The following SUPT3H variants were observed in gnomAD, a reference collection of about 807,000 sequenced individuals.
SUPT3H encodes the protein transcription initiation protein SPT3 homolog.
In SUPT3H, 44 loss-of-function variants were observed where a neutral mutation model predicts 44.3. That is an observed-to-expected ratio of 0.99 (90% confidence interval 0.78 to 1.28). The LOEUF (loss-of-function observed/expected upper bound fraction) is 1.28, where lower values mean the gene tolerates loss of function less well. Among genes scored for constraint, SUPT3H ranks in the 50% most tolerant of loss-of-function variants. The pLI is 0.00. For missense variants in SUPT3H, 380 were observed against 387.1 expected, an observed-to-expected ratio of 0.98 and a Z score of 0.15; for synonymous variants, 124 against 125.6, an observed-to-expected ratio of 0.99 and a Z score of 0.09.
At chr6:45,076,734 T>C (rs776380402) in intron 3 of SUPT3H, among the ~76,000 whole-genome samples, 5 of 152,256 alleles carry the variant, frequency 3.3e-5, no homozygotes, top group African/African-American at 1.2e-4. Context: ...GCCTACTGAG[T>C]AACACTAATG....
intron 2 of SUPT3H, among the ~76,000 whole-genome samples, chr6:45,110,255 GA>G (rs1287192997): frequency 6.6e-6 from 1 of 152,194 alleles, no homozygotes; most frequent in Non-Finnish European, 1.5e-5. Context: ...CAATCCGCTT[GA>G]CAGGTGCACA....
intron 2 of SUPT3H, among the ~76,000 whole-genome samples, chr6:45,262,121 A>G (rs1057487349): frequency 1.6e-4 from 25 of 152,164 alleles, no homozygotes; most frequent in African/African-American, 5.8e-4. Flanking sequence ...GATAGCAAGA[A>G]TCAATATTGT....
At chr6:45,166,171 T>C (rs1041467800) in intron 2 of SUPT3H, among the ~76,000 whole-genome samples, 4 of 152,154 alleles carry the variant, frequency 2.6e-5, no homozygotes, top group Non-Finnish European at 5.9e-5. Context: ...CACACGCTTG[T>C]GGTCCCAGCT....
chr6:44,870,542 C>G (rs1357768972), intron 10 of SUPT3H, among the ~76,000 whole-genome samples: 1 of 147,022 alleles, frequency 6.8e-6, no homozygotes, highest in Non-Finnish European at 1.5e-5. Context: ...GAGGCTGCAG[C>G]GAGCCGGGAC....
intron 2 of SUPT3H, among the ~76,000 whole-genome samples, chr6:45,285,991 G>A (rs948517279): frequency 7.4e-6 from 1 of 135,666 alleles, no homozygotes; most frequent in Non-Finnish European, 1.6e-5. Context: ...AACAAGAAAT[G>A]GGGAAAGGAT....
chr6:44,829,805 C>T lies in SUPT3H; in HGVS notation c.*11G>A. Reference sequence around the variant, plus strand: ...CTTTCCTGTTGTTGCAGGCACATCACAGTTGTCACATCAGCAGGCTAGAAA... The same window carrying T: ...CTTTCCTGTTGTTGCAGGCACATCATAGTTGTCACATCAGCAGGCTAGAAA... On this transcript the variant is annotated 3_prime_UTR_variant, in exon 11 of 11. Transcript: ENST00000371459. 1 of 1,612,852 alleles carries T rather than the reference C, an allele frequency of 6.2e-7. No individual in the cohort carries two copies. The highest frequency in any genetic ancestry group is 8.5e-7 in the Non-Finnish European group (1 of 1,179,046).
chr6:45,099,101 AC>A, intron 3 of SUPT3H: 1 of 356,662 alleles, frequency 2.8e-6, no homozygotes, highest in African/African-American at 2.2e-5. Context: ...TTGCCCAGCC[AC>A]CAGCCCCTAG....
chr6:45,039,521 A>G (rs1788186159), intron 3 of SUPT3H, among the ~76,000 whole-genome samples: 1 of 152,170 alleles, frequency 6.6e-6, no homozygotes, highest in East Asian at 1.9e-4. Context: ...TGGGCCGGGC[A>G]TGTAATCCAG....
In SUPT3H at chr6:44,828,747, TTC is replaced by T. The variant is rs2153408346; in HGVS notation, c.*1067_*1068del. On this transcript the variant is annotated 3_prime_UTR_variant, in exon 11 of 11. Transcript: ENST00000371459. Reference sequence around the variant, plus strand: ...GAAAAAGATCTTTCATGTTTCTCATTTCTGTTTTTATTAATTCTTTAGAAAGA... The same window carrying T: ...GAAAAAGATCTTTCATGTTTCTCATTTGTTTTTATTAATTCTTTAGAAAGA... 1 of 152,582 alleles carries T rather than the reference TTC, an allele frequency of 6.6e-6. No homozygotes were observed. The highest frequency in any genetic ancestry group is 1.5e-5 in the Non-Finnish European group (1 of 68,008). The allele number at this position is 152,582 out of a possible 1,614,324, so 9.5% of individuals were successfully genotyped here.
downstream of SUPT3H, among the ~76,000 whole-genome samples, chr6:44,821,924 C>T (rs1767351722): frequency 6.6e-6 from 1 of 152,118 alleles, no homozygotes; most frequent in African/African-American, 2.4e-5. Context: ...TCACTGATCC[C>T]TGCATTCTAT....
chr6:45,117,941 T>C (rs894219721), intron 2 of SUPT3H, among the ~76,000 whole-genome samples: 3 of 152,052 alleles, frequency 2.0e-5, no homozygotes, highest in African/African-American at 7.2e-5. Context: ...CAAATAAAAA[T>C]GAAATTTAGT....
intron 10 of SUPT3H, among the ~76,000 whole-genome samples, chr6:44,847,131 C>G (rs187772353): frequency 6.6e-6 from 1 of 152,286 alleles, no homozygotes; most frequent in East Asian, 1.9e-4. Flanking sequence ...AGAACTGGAC[C>G]CTTAGCATCA....
rs148647246 is a variant in SUPT3H at position 44,949,423 on chromosome 6, C to T, written c.801+3887G>A. ...AATTAAAAAAATAAATAAATGCAAG[C>T]GGAATATTGTCAAAAAAAAGAAAAA... On this transcript the variant is annotated intron_variant, in intron 9 of 10. Transcript: ENST00000371459. Among the ~76,000 whole-genome samples, 28 of 149,780 alleles carry T rather than the reference C, an allele frequency of 1.9e-4. No homozygotes were observed. In the East Asian group the frequency reaches 4.5e-3, roughly 24 times the overall value.
chr6:45,274,555 C>A (rs1443461943), intron 2 of SUPT3H, among the ~76,000 whole-genome samples: 5 of 152,138 alleles, frequency 3.3e-5, no homozygotes, highest in Non-Finnish European at 7.4e-5. Flanking sequence ...GCTATTCTTT[C>A]CCTTTTGAAT....
intron 6 of SUPT3H, among the ~76,000 whole-genome samples, chr6:44,995,842 G>A (rs1289794071): frequency 1.3e-5 from 2 of 151,968 alleles, no homozygotes; most frequent in Non-Finnish European, 2.9e-5. Context: ...TGGTAAATAT[G>A]TAAATTCAAA....
intron 10 of SUPT3H, among the ~76,000 whole-genome samples, chr6:44,893,973 T>C (rs1351682737): frequency 5.0e-5 from 7 of 140,582 alleles, no homozygotes; most frequent in Admixed American, 7.4e-5. Context: ...TGATGGCCAG[T>C]GATGGTGAGC....
chr6:44,821,444 T>C (rs1168619508), intron 11 of SUPT3H, among the ~76,000 whole-genome samples: 1 of 152,216 alleles, frequency 6.6e-6, no homozygotes, highest in Non-Finnish European at 1.5e-5. Context: ...TCACTTTATT[T>C]TTAACTACTA....
At chr6:44,890,790 G>T (rs1334410592) in intron 10 of SUPT3H, among the ~76,000 whole-genome samples, 1 of 149,194 alleles carries the variant, frequency 6.7e-6, no homozygotes, top group Non-Finnish European at 1.5e-5. Context: ...AGAAAATGTG[G>T]CACACATGGA....
chr6:45,218,798 A>G (rs1765514173), intron 2 of SUPT3H, among the ~76,000 whole-genome samples: 2 of 152,154 alleles, frequency 1.3e-5, no homozygotes, highest in African/African-American at 4.8e-5. Context: ...ACTCAACAAA[A>G]TCAAATTAAA....
Sources: allele counts gnomAD v4.1 joint callset (sites outside exome capture counted in the v4.1 genomes callset), GRCh38; gene constraint gnomAD v4.1.1; transcripts MANE v1.5; gene names NCBI Gene and HGNC (gene_info 2026-07-23, HGNC 2026-07-21).